Variants in TTC21A observed in about 807,000 individuals in gnomAD.
TTC21A encodes tetratricopeptide repeat domain 21A.
Under a neutral mutation model 156.4 loss-of-function variants are expected in TTC21A, and 128 were observed. The observed-to-expected ratio is 0.82, with a 90% confidence interval of 0.71 to 0.95. The LOEUF (loss-of-function observed/expected upper bound fraction) is 0.95, where lower values mean the gene tolerates loss of function less well. Among genes scored for constraint, TTC21A ranks in the 40% least tolerant of loss-of-function variants. The pLI is 0.00. For synonymous variants in TTC21A, 587 were observed against 617.1 expected (o/e 0.95, Z 0.72); for missense variants, 1,435 against 1,602.3 (o/e 0.90, Z 1.78).
chr3:39,137,936 G>A (rs1319568673), intron 26 of TTC21A: 3 of 622,978 alleles, frequency 4.8e-6, no homozygotes, highest in Admixed American at 2.9e-5. Context: ...GTCCAGAGGA[G>A]GGAACACTAA....
In TTC21A at chr3:39,131,058, G is replaced by A; in HGVS notation, c.2525G>A (p.Ser842Asn). Reference sequence around the variant, plus strand: ...CTTTTGCTGGCAAAGGTTTACAAGAGCCATAAAAAAGAAGCTGTGATAGAA... The same window carrying A: ...CTTTTGCTGGCAAAGGTTTACAAGAACCATAAAAAAGAAGCTGTGATAGAA... The part of the protein sequence containing the change: ...CLLLLAKVYK[S>N]HKKEAVIETL... Residue 842 changes from serine (S) to asparagine (N), a missense_variant, in exon 19 of 29, where the codon AGC becomes AAC. Coordinates refer to ENST00000683103, the MANE Select transcript of TTC21A (RefSeq NM_001366900.1). 2 of 1,612,640 alleles carry A rather than the reference G, an allele frequency of 1.2e-6. No individual in the cohort carries two copies. The highest frequency in any genetic ancestry group is 1.1e-5 in the South Asian group (1 of 91,038).
chr3:39,137,794 TAG>T, intron 26 of TTC21A, 84 bp downstream of exon 26: 1 of 1,405,928 alleles, frequency 7.1e-7, no homozygotes, highest in Non-Finnish European at 9.7e-7. Flanking sequence ...GCTTTGCAGG[TAG>T]AGGCCATATG....
At chr3:39,126,475 TACACAC>T (rs59925253) in intron 12 of TTC21A, 85 bp downstream of exon 12, 19,896 of 518,626 alleles carry the variant, frequency 0.038, 240 homozygotes, top group African/African-American at 0.094. Flanking sequence ...CCTAGGATAC[TACACAC>T]ACACACACAC....
intron 3 of TTC21A, chr3:39,110,356 C>A: frequency 3.3e-6 from 2 of 608,562 alleles, no homozygotes; most frequent in Middle Eastern, 8.7e-4. Flanking sequence ...GCAGGCAGAG[C>A]CCATGACAGT....
At chr3:39,137,819 G>T in intron 26 of TTC21A, 109 bp downstream of exon 26, 1 of 1,204,048 alleles carries the variant, frequency 8.3e-7, no homozygotes, top group South Asian at 1.4e-5. Flanking sequence ...ATAAGAACTA[G>T]TCGGGAAGAG....
At chr3:39,138,039 AG>A (rs2125876244) in intron 26 of TTC21A, among the ~76,000 whole-genome samples, 1 of 152,266 alleles carries the variant, frequency 6.6e-6, no homozygotes, top group South Asian at 2.1e-4. Flanking sequence ...GCGGAACAGG[AG>A]GGCTACAGGG....
rs201536754 is a variant in TTC21A at position 39,121,070 on chromosome 3, A to G, written c.974A>G (p.Tyr325Cys). The change falls in exon 9 of 29, where the codon TAT becomes TGT. Residue 325 changes from tyrosine to cysteine, a missense_variant. Tyr to Cys is a radical substitution (Grantham distance 194). Transcript: ENST00000683103. ...CGCACCTTCATGGCCACCCCCTCGT[A>G]TGTCCATGTGGCCACAGAACTGGGC... Reference protein sequence around the residue: ...IERTFMATPSYVHVATELGYL... With the variant: ...IERTFMATPSCVHVATELGYL... 8.1e-4 allele frequency: 1,302 copies of G among 1,614,094 alleles called. 4 individuals are homozygous for G. In the Middle Eastern group the frequency reaches 9.7e-3, roughly 12 times the overall value.
chr3:39,128,300 C>A, intron 12 of TTC21A, 31 bp from the exon 13 acceptor site: 1 of 1,609,636 alleles, frequency 6.2e-7, no homozygotes, highest in Non-Finnish European at 8.5e-7. Context: ...CTTGGGAACC[C>A]TGCATGTAGA....
chr3:39,135,052 C>A, intron 21 of TTC21A, 41 bp from the exon 22 acceptor site: 1 of 1,579,224 alleles, frequency 6.3e-7, no homozygotes, highest in Non-Finnish European at 8.7e-7. Flanking sequence ...ATGCAAGCTG[C>A]CACTGTTGGG....
chr3:39,114,096 GAAC>G (rs1254314254), intron 5 of TTC21A, among the ~76,000 whole-genome samples: 2 of 152,122 alleles, frequency 1.3e-5, no homozygotes, highest in Non-Finnish European at 2.9e-5. Context: ...GGCCTTGACA[GAAC>G]AACAACAAAA....
chr3:39,128,704 G>A lies in TTC21A; in HGVS notation c.1681-13G>A, dbSNP rs767381362. 2 of 1,613,026 alleles carry A rather than the reference G, an allele frequency of 1.2e-6. No homozygotes were observed. The highest frequency in any genetic ancestry group is 1.7e-6 in the Non-Finnish European group (2 of 1,179,438). ...GTGAACTGGAGCCCCACACTCTGCT[G>A]TGCTCCTCCTAGGTCCGAGATCACC... On this transcript the variant is annotated splice_polypyrimidine_tract_variant and intron_variant, in intron 13 of 28. Transcript: ENST00000683103.
intron 9 of TTC21A, among the ~76,000 whole-genome samples, chr3:39,121,931 C>T (rs998932671): frequency 2.2e-4 from 33 of 152,200 alleles, no homozygotes; most frequent in Admixed American, 7.9e-4. Context: ...ATCTTGACTT[C>T]TGGTTCAACA....
chr3:39,114,807 G>A, intron 6 of TTC21A, 65 bp downstream of exon 6: 1 of 1,580,002 alleles, frequency 6.3e-7, no homozygotes. Context: ...ATAAGCTGGG[G>A]AGGCAGGAGA....
chr3:39,135,043 T>C (rs1466995518), intron 21 of TTC21A, 50 bp from the exon 22 acceptor site: 5 of 932,912 alleles, frequency 5.4e-6, no homozygotes, highest in Non-Finnish European at 8.3e-6. Flanking sequence ...CCTACACCCA[T>C]GCAAGCTGCC....
intron 4 of TTC21A, 74 bp downstream of exon 4, chr3:39,111,091 T>C: frequency 6.7e-7 from 1 of 1,481,770 alleles, no homozygotes; most frequent in Non-Finnish European, 9.0e-7. Context: ...TGGCCCTCAT[T>C]CCCACAAAGG....
Position 39,129,210 on chromosome 3 carries a change from A to C in TTC21A, c.2035A>C (p.Ile679Leu), listed in dbSNP as rs754715025. 5 of 1,614,116 alleles carry C rather than the reference A, an allele frequency of 3.1e-6. No individual in the cohort carries two copies. The East Asian group carries it at 8.9e-5, about 29-fold the overall frequency. ...VDVALNMLRN[I>L]LPKQSCYMEA... Reference sequence around the variant, plus strand: ...CGTGGCGCTGAACATGCTAAGGAACATCTTGCCCAAGCAGTCCTGCTATAT... The same window carrying C: ...CGTGGCGCTGAACATGCTAAGGAACCTCTTGCCCAAGCAGTCCTGCTATAT... The change falls in exon 15 of 29, where the codon ATC (isoleucine) becomes CTC (leucine). Residue 679 changes from isoleucine to leucine, a missense_variant. Coordinates refer to ENST00000683103, the MANE Select transcript of TTC21A (RefSeq NM_001366900.1).
At chr3:39,114,954 A>G (rs145754530) in intron 6 of TTC21A, among the ~76,000 whole-genome samples, 2 of 152,364 alleles carry the variant, frequency 1.3e-5, no homozygotes, top group East Asian at 3.9e-4. Flanking sequence ...GCTGTGGCCT[A>G]TGATGGCTAA....
rs191696519 is a variant in TTC21A, at chr3:39,111,016, A to G, written c.434A>G (p.Glu145Gly). The G allele has an allele frequency of 5.0e-6, 8 of 1,607,012 alleles. No individual in the cohort carries two copies. The East Asian group carries it at 1.6e-4, about 31-fold the overall frequency. ...CTGAAGATTTCTAGAGGCTTCAGAG[A>G]GGTACTTACCACACCATGGGGACAA... ...RMLKISRGFR[E>G]AYVLRGWVDL... Residue 145 changes from glutamate (E) to glycine (G), a missense_variant and splice_region_variant, in exon 4 of 29, where the codon GAG (glutamate) becomes GGG (glycine). Coordinates refer to ENST00000683103, the MANE Select transcript of TTC21A (RefSeq NM_001366900.1).
chr3:39,120,955 G>T (rs2037716687), intron 8 of TTC21A, 42 bp from the exon 9 acceptor site: 2 of 1,552,446 alleles, frequency 1.3e-6, no homozygotes. Context: ...ATACAGGCTG[G>T]ACTGACTGGT....
Sources: allele counts gnomAD v4.1 joint callset (sites outside exome capture counted in the v4.1 genomes callset), GRCh38; gene constraint gnomAD v4.1.1; transcripts MANE v1.5; gene names NCBI Gene and HGNC (gene_info 2026-07-23, HGNC 2026-07-21).